The following SLC7A6 variants were observed in gnomAD, a reference collection of about 807,000 sequenced individuals.
SLC7A6 encodes the protein solute carrier family 7 member 6, also known as Y+L amino acid transporter 2.
A neutral mutation model predicts 46.6 loss-of-function variants in SLC7A6; 29 were observed. The ratio of observed to expected loss-of-function variants is 0.62; its 90% confidence interval spans 0.46 to 0.85. The LOEUF is 0.85. Ranked by LOEUF, SLC7A6 falls within the 40% of genes least tolerant of loss-of-function variation. The pLI is 0.00. For synonymous variants in SLC7A6, 276 were observed against 257.3 expected, an observed-to-expected ratio of 1.07 and a Z score of -0.70; for missense variants, 527 against 647.6, an observed-to-expected ratio of 0.81 and a Z score of 2.02.
At chr16:68,269,162 C>T (rs910005224) in intron 2 of SLC7A6, among the ~76,000 whole-genome samples, 1 of 152,204 alleles carries the variant, frequency 6.6e-6, no homozygotes, top group Non-Finnish European at 1.5e-5. Context: ...TTTCTGCATG[C>T]TGTTCAACTT....
rs1214883486 is a variant in SLC7A6, at chr16:68,296,760, G to C, written c.1403G>C (p.Gly468Ala). 1 of 1,614,000 alleles carries C rather than the reference G, an allele frequency of 6.2e-7. No individual in the cohort carries two copies. Among genetic ancestry groups the C allele is most frequent in the Non-Finnish European group, 8.5e-7 (1 of 1,180,050 alleles). ...ALSGVPFYFM[G>A]VYLPESRRPL... Reference sequence around the variant, plus strand: ...TCTGGAGTCCCTTTCTACTTCATGGGTGTTTACCTGCCAGAGTCCCGGAGG... The same window carrying C: ...TCTGGAGTCCCTTTCTACTTCATGGCTGTTTACCTGCCAGAGTCCCGGAGG... Residue 468 changes from glycine to alanine, a missense_variant, in exon 10 of 11, where the codon GGT (glycine) becomes GCT (alanine). By Grantham distance (60) the Gly-to-Ala change is moderately conservative (BLOSUM62 0). Transcript: ENST00000219343.
At chr16:68,273,105 T>G (rs2151215744) in intron 2 of SLC7A6, 1 of 152,182 alleles carries the variant, frequency 6.6e-6, no homozygotes, top group East Asian at 1.9e-4. Context: ...GAGGAGCTTT[T>G]TTACTTGGTC....
intron 3 of SLC7A6, chr16:68,287,327 C>A (rs1488876830): frequency 1.6e-6 from 2 of 1,289,408 alleles, no homozygotes; most frequent in South Asian, 2.5e-5. Context: ...TCTTAGGTAA[C>A]CTGCCATCTG....
rs2043254635 is a variant in SLC7A6, at chr16:68,300,708, T to G, written c.*3380T>G. On this transcript the variant is annotated 3_prime_UTR_variant, in exon 11 of 11. Coordinates refer to ENST00000219343, the MANE Select transcript of SLC7A6 (RefSeq NM_003983.6). ...CTGCCAAAGGAAGTCAGTCAGTAATTTCACAACCGTTATCAGAGTTTGGAA... is the reference window on the plus strand; with the variant it reads ...CTGCCAAAGGAAGTCAGTCAGTAATGTCACAACCGTTATCAGAGTTTGGAA... 4.1e-6 allele frequency: 4 copies of G among 985,382 alleles called. No individual in the cohort carries two copies. Among genetic ancestry groups the G allele is most frequent in the African/African-American group, 1.7e-5 (1 of 57,254 alleles). The allele number at this position is 985,382 out of a possible 1,614,324, so 61.0% of individuals were successfully genotyped here.
intron 3 of SLC7A6, among the ~76,000 whole-genome samples, chr16:68,280,975 C>T (rs2042819499): frequency 6.6e-6 from 1 of 152,148 alleles, no homozygotes; most frequent in Admixed American, 6.5e-5. Flanking sequence ...CCTCGTGATC[C>T]GCCCACCTCG....
At position 68,296,746 on chromosome 16, in the gene SLC7A6, T is replaced by C; in HGVS notation, c.1389T>C (p.Pro463=). Residue 463 remains proline (P), a synonymous_variant, in exon 10 of 11, where the codon CCT becomes CCC. Transcript: ENST00000219343. ...TCGGGATTGCCCTTTCTGGAGTCCC[T>C]TTCTACTTCATGGGTGTTTACCTGC... ...IGIGIALSGV[P]FYFMGVYLPE... is the part of the protein sequence containing the mutation. 1 of 1,614,222 alleles carries C rather than the reference T, an allele frequency of 6.2e-7. No individual in the cohort carries two copies. Among genetic ancestry groups the C allele is most frequent in the Non-Finnish European group, 8.5e-7 (1 of 1,180,032 alleles).
chr16:68,276,927 C>A (rs781409645), intron 3 of SLC7A6, among the ~76,000 whole-genome samples: 1 of 151,498 alleles, frequency 6.6e-6, no homozygotes, highest in Non-Finnish European at 1.5e-5. Context: ...CCCGGGAAGT[C>A]GAGGCTGCAG....
At chr16:68,296,218 C>T (rs1359054317) in intron 8 of SLC7A6, 146 bp from the exon 9 acceptor site, 21 of 804,040 alleles carry the variant, frequency 2.6e-5, no homozygotes, top group Middle Eastern at 3.2e-4. Context: ...AGGAATGGAC[C>T]TATCTGATGC....
chr16:68,272,193 C>T (rs551474423), intron 2 of SLC7A6, among the ~76,000 whole-genome samples: 3 of 152,204 alleles, frequency 2.0e-5, no homozygotes, highest in South Asian at 2.1e-4. Flanking sequence ...GTAGGAGGAT[C>T]AGTTGAGGCC....
chr16:68,288,148 T>C (rs984966081), intron 4 of SLC7A6, among the ~76,000 whole-genome samples: 1 of 152,166 alleles, frequency 6.6e-6, no homozygotes, highest in African/African-American at 2.4e-5. Context: ...CTCCTGAAGC[T>C]TGGGTCATGA....
chr16:68,272,335 T>G (rs1355134852), intron 2 of SLC7A6, among the ~76,000 whole-genome samples: 3 of 152,044 alleles, frequency 2.0e-5, no homozygotes, highest in Non-Finnish European at 4.4e-5. Flanking sequence ...GAGGCCGAGA[T>G]AGAGGACTGC....
At chr16:68,269,624 C>T (rs767538566) in intron 2 of SLC7A6, among the ~76,000 whole-genome samples, 1 of 151,988 alleles carries the variant, frequency 6.6e-6, no homozygotes, top group Non-Finnish European at 1.5e-5. Flanking sequence ...CATGGTAGTG[C>T]ACACCTGTAG....
chr16:68,294,558 G>C, intron 7 of SLC7A6, 147 bp from the exon 8 acceptor site: 1 of 658,194 alleles, frequency 1.5e-6, no homozygotes, highest in Non-Finnish European at 2.7e-6. Flanking sequence ...AGGTTGGACT[G>C]GTGATGCACT....
intron 8 of SLC7A6, among the ~76,000 whole-genome samples, chr16:68,295,129 A>T (rs1279473580): frequency 6.6e-6 from 1 of 152,088 alleles, no homozygotes; most frequent in Non-Finnish European, 1.5e-5. Flanking sequence ...TTAATAGCTA[A>T]TTTTTTTAGG....
In SLC7A6 at chr16:68,297,642, T is replaced by A. The variant is rs1313561445; in HGVS notation, c.*314T>A. ...GTAAAGTGCAGTGGGGAAGAGGGAATGCTAGGTTGATAGGGCTGGTGGCTT... is the reference window on the plus strand; with the variant it reads ...GTAAAGTGCAGTGGGGAAGAGGGAAAGCTAGGTTGATAGGGCTGGTGGCTT... On this transcript the variant is annotated 3_prime_UTR_variant, in exon 11 of 11. Coordinates refer to ENST00000219343, the MANE Select transcript of SLC7A6 (RefSeq NM_003983.6). 1.3e-5 allele frequency: 3 copies of A among 231,124 alleles called. No individual in the cohort carries two copies. Among genetic ancestry groups the A allele is most frequent in the Non-Finnish European group, 2.5e-5 (3 of 118,586 alleles). The allele number at this position is 231,124 out of a possible 1,614,324, so 14.3% of individuals were successfully genotyped here.
In SLC7A6 at chr16:68,301,549, C is replaced by CT. The variant is rs112503740; in HGVS notation, c.*4231dup. 0.015 allele frequency: 8,544 copies of CT among 569,840 alleles called. 205 individuals carry two copies. Among genetic ancestry groups the CT allele is most frequent in the African/African-American group, 0.079 (4,032 of 50,764 alleles). The allele number at this position is 569,840 out of a possible 1,614,324, so 35.3% of individuals were successfully genotyped here. On this transcript the variant is annotated 3_prime_UTR_variant, in exon 11 of 11. Coordinates refer to ENST00000219343, the MANE Select transcript of SLC7A6 (RefSeq NM_003983.6). ...AATAAATAAAAAAGAATATAGAATT[C>CT]TTTTTTTTTTAAAGAAGGAATCACT...
At chr16:68,274,299 T>G (rs1049166708) in intron 2 of SLC7A6, among the ~76,000 whole-genome samples, 1 of 152,192 alleles carries the variant, frequency 6.6e-6, no homozygotes, top group African/African-American at 2.4e-5. Context: ...TGGTGATGAC[T>G]GTGTACCAGG....
At chr16:68,281,436 G>A (rs2151220663) in intron 3 of SLC7A6, among the ~76,000 whole-genome samples, 1 of 152,262 alleles carries the variant, frequency 6.6e-6, no homozygotes, top group South Asian at 2.1e-4. Context: ...GCACAGAACA[G>A]CTTCTCACAA....
Position 68,301,270 on chromosome 16 carries a change from G to A in SLC7A6, c.*3942G>A. ...TGGCAGAACCTCATGGACATCACAA[G>A]ACCATCAGTCTGAATCCAGGTCGTG... is the stretch of plus-strand genomic sequence containing the variant. On this transcript the variant is annotated 3_prime_UTR_variant, in exon 11 of 11. Transcript: ENST00000219343. 1 of 1,613,826 alleles carries A rather than the reference G, an allele frequency of 6.2e-7. No individual in the cohort carries two copies.
Sources: allele counts gnomAD v4.1 joint callset (sites outside exome capture counted in the v4.1 genomes callset), GRCh38; gene constraint gnomAD v4.1.1; transcripts MANE v1.5; gene names NCBI Gene and HGNC (gene_info 2026-07-23, HGNC 2026-07-21).